Variants in HACD2 observed in about 807,000 individuals in gnomAD.
HACD2 encodes 3-hydroxyacyl-CoA dehydratase 2, also known as very-long-chain (3R)-3-hydroxyacyl-CoA dehydratase 2.
A neutral mutation model predicts 31.0 loss-of-function variants in HACD2; 15 were observed. The ratio of observed to expected loss-of-function variants is 0.48; its 90% CI spans 0.32 to 0.75. The LOEUF is 0.75. Ranked by LOEUF, HACD2 falls within the 30% of genes least tolerant of loss-of-function variation. The pLI is 0.03. For missense variants in HACD2, 283 were observed against 313.0 expected (o/e 0.90, Z 0.72); for synonymous variants, 115 against 122.2 (o/e 0.94, Z 0.39).
chr3:123,543,869 C>T (rs1320334540), intron 3 of HACD2: 1 of 175,512 alleles, frequency 5.7e-6, no homozygotes, highest in Non-Finnish European at 1.2e-5. Context: ...AGTAATGTTA[C>T]AGTGACATTT....
intron 6 of HACD2, among the ~76,000 whole-genome samples, chr3:123,497,558 G>A (rs911866494): frequency 3.3e-5 from 5 of 152,160 alleles, no homozygotes; most frequent in African/African-American, 4.8e-5. Flanking sequence ...CCTGGAAAGC[G>A]CCAGCTTCTC....
intron 3 of HACD2, among the ~76,000 whole-genome samples, chr3:123,560,648 TAA>T (rs1203774911): frequency 3.9e-5 from 6 of 152,176 alleles, no homozygotes; most frequent in Non-Finnish European, 8.8e-5. Context: ...GAACAAGGCT[TAA>T]AGAGAGCCAG....
At chr3:123,570,111 G>C (rs1424788035) in intron 2 of HACD2, among the ~76,000 whole-genome samples, 1 of 146,570 alleles carries the variant, frequency 6.8e-6, no homozygotes, top group Non-Finnish European at 1.5e-5. Flanking sequence ...TTCTTTGCAT[G>C]ACAGAGCAGT....
intron 3 of HACD2, among the ~76,000 whole-genome samples, chr3:123,530,311 G>A (rs1328420095): frequency 6.6e-6 from 1 of 151,696 alleles, no homozygotes; most frequent in African/African-American, 2.4e-5. Context: ...AGTACATGAC[G>A]CCATCATATC....
At chr3:123,546,195 C>G (rs1002816963) in intron 3 of HACD2, among the ~76,000 whole-genome samples, 1 of 152,114 alleles carries the variant, frequency 6.6e-6, no homozygotes, top group African/African-American at 2.4e-5. Flanking sequence ...CTTCTGGATT[C>G]CAACACTAAA....
intron 4 of HACD2, among the ~76,000 whole-genome samples, chr3:123,518,472 C>T (rs1576744150): frequency 6.6e-6 from 1 of 152,250 alleles, no homozygotes; most frequent in East Asian, 1.9e-4. Context: ...TAAAGTGCTA[C>T]ACAAATGTCA....
intron 5 of HACD2, 38 bp from the exon 6 acceptor site, chr3:123,500,731 G>A: frequency 6.8e-7 from 1 of 1,460,868 alleles, no homozygotes; most frequent in South Asian, 1.3e-5. Context: ...GAGGCTCAAA[G>A]TCAGCTTTAG....
intron 3 of HACD2, among the ~76,000 whole-genome samples, chr3:123,562,433 T>C (rs1474424512): frequency 6.6e-6 from 1 of 152,184 alleles, no homozygotes; most frequent in African/African-American, 2.4e-5. Context: ...GCAAAGAAAT[T>C]ATAATTTAAG....
intron 3 of HACD2, among the ~76,000 whole-genome samples, chr3:123,559,305 C>T (rs542435211): frequency 6.6e-6 from 1 of 152,300 alleles, no homozygotes; most frequent in African/African-American, 2.4e-5. Flanking sequence ...TGTCCTCTCT[C>T]AATTCTGTAT....
intron 3 of HACD2, among the ~76,000 whole-genome samples, chr3:123,564,022 G>C (rs1437324253): frequency 1.3e-5 from 2 of 152,340 alleles, no homozygotes; most frequent in Non-Finnish European, 2.9e-5. Flanking sequence ...AAACTGAATT[G>C]ACAAAACCTG....
chr3:123,501,770 T>C (rs1419963657), intron 5 of HACD2, among the ~76,000 whole-genome samples: 1 of 152,200 alleles, frequency 6.6e-6, no homozygotes, highest in Non-Finnish European at 1.5e-5. Context: ...AAAATGTTCA[T>C]TGCAAATGAG....
rs2055803304 is a variant in HACD2, at chr3:123,494,161, A to G, written c.*727T>C. ...CTGAGACCTGTCATTTTGTTAAGAC[A>G]TGATTGAGGCTGAGCTCCAGATAAG... On this transcript the variant is annotated 3_prime_UTR_variant, in exon 7 of 7. Transcript: ENST00000383657. 1 of 152,258 alleles carries G rather than the reference A, an allele frequency of 6.6e-6. No individual in the cohort carries two copies. Among genetic ancestry groups the G allele is most frequent in the African/African-American group, 2.4e-5 (1 of 41,450 alleles). 9.4% of individuals were successfully genotyped at this position (152,258 alleles called of 1,614,324 possible).
rs1346997406 is a variant in HACD2 at position 123,493,607 on chromosome 3, TCTTA to T, written c.*1277_*1280del. 3 of 152,230 alleles carry T rather than the reference TCTTA, an allele frequency of 2.0e-5. No homozygotes were observed. The highest frequency in any genetic ancestry group is 2.9e-5 in the Non-Finnish European group (2 of 68,052). The allele number at this position is 152,230 out of a possible 1,614,324, so 9.4% of individuals were successfully genotyped here. A position where few individuals can be genotyped will look rare whatever the true frequency, so the allele number is the denominator to read the frequency against. ...TCACATTTTCATCCAACTCTTTCTT[TCTTA>T]TTTTTTTTCAGTTTACCTACAGTTG... On this transcript the variant is annotated 3_prime_UTR_variant, in exon 7 of 7. Transcript: ENST00000383657.
At chr3:123,557,066 T>C (rs1269556260) in intron 3 of HACD2, among the ~76,000 whole-genome samples, 1 of 152,224 alleles carries the variant, frequency 6.6e-6, no homozygotes, top group Non-Finnish European at 1.5e-5. Context: ...ACTGTTATCC[T>C]AAACTTAAAA....
intron 6 of HACD2, chr3:123,499,328 A>T: frequency 5.4e-6 from 1 of 184,838 alleles, no homozygotes; most frequent in Non-Finnish European, 1.2e-5. Context: ...AGTAGTTTAG[A>T]TGATTTCACA....
intron 2 of HACD2, among the ~76,000 whole-genome samples, chr3:123,573,817 C>T (rs942135447): frequency 2.6e-5 from 4 of 152,160 alleles, no homozygotes; most frequent in Non-Finnish European, 5.9e-5. Flanking sequence ...AAAGATTCCT[C>T]AATTATCATT....
intron 4 of HACD2, among the ~76,000 whole-genome samples, chr3:123,504,067 G>A (rs2055942387): frequency 6.6e-6 from 1 of 152,176 alleles, no homozygotes. Flanking sequence ...AGTACTTTCT[G>A]TTTTCCTGGT....
chr3:123,496,703 G>A (rs891061932), intron 6 of HACD2, among the ~76,000 whole-genome samples: 2 of 152,212 alleles, frequency 1.3e-5, no homozygotes, highest in African/African-American at 2.4e-5. Flanking sequence ...GAATGTTAAT[G>A]GTAATCATTT....
intron 3 of HACD2, among the ~76,000 whole-genome samples, chr3:123,554,311 CA>C (rs1416924417): frequency 6.6e-6 from 1 of 151,568 alleles, no homozygotes; most frequent in Non-Finnish European, 1.5e-5. Context: ...AATAAGAAAA[CA>C]GAGGACTAAG....
Sources: allele counts gnomAD v4.1 joint callset (sites outside exome capture counted in the v4.1 genomes callset), GRCh38; gene constraint gnomAD v4.1.1; transcripts MANE v1.5; gene names NCBI Gene and HGNC (gene_info 2026-07-23, HGNC 2026-07-21).